The following GMPR variants were observed in gnomAD, a reference collection of about 807,000 sequenced individuals.
GMPR encodes the protein guanosine monophosphate reductase.
A neutral mutation model predicts 38.4 loss-of-function variants in GMPR; 31 were observed. The observed-to-expected ratio is 0.81, with a 90% CI of 0.61 to 1.09. The LOEUF is 1.09. Among genes scored for constraint, GMPR ranks in the 50% least tolerant of loss-of-function variants. The pLI is 0.00. For synonymous variants in GMPR, 162 were observed against 173.3 expected (o/e 0.93, Z 0.51); for missense variants, 468 against 453.7 (o/e 1.03, Z -0.29).
intron 4 of GMPR, among the ~76,000 whole-genome samples, chr6:16,267,065 T>A (rs952092630): frequency 6.6e-6 from 1 of 150,902 alleles, no homozygotes; most frequent in African/African-American, 2.4e-5. Context: ...ACGTGCCACC[T>A]TTAAGAGCTG....
intron 4 of GMPR, among the ~76,000 whole-genome samples, chr6:16,267,593 A>ATT (rs1416222247): frequency 2.6e-5 from 4 of 152,044 alleles, no homozygotes; most frequent in Non-Finnish European, 4.4e-5. Context: ...CTGACGGAAC[A>ATT]AACTCCGGAC....
Position 16,290,598 on chromosome 6 carries a change from C to T in GMPR, c.834C>T (p.His278=), listed in dbSNP as rs759597692. ...GCTCTGACACCGCCATGAACAAGCACGCAGGAGGAGTTGCTGAGTACAGGT... is the reference window on the plus strand; with the variant it reads ...GCTCTGACACCGCCATGAACAAGCATGCAGGAGGAGTTGCTGAGTACAGGT... The part of the protein sequence containing the change: ...GMSSDTAMNK[H]AGGVAEYRAS... The change falls in exon 8 of 9, where the codon CAC becomes CAT. Residue 278 remains histidine, a synonymous_variant. Transcript: ENST00000259727. 8.7e-6 allele frequency: 14 copies of T among 1,613,994 alleles called. No homozygotes were observed. Among genetic ancestry groups the T allele is most frequent in the Middle Eastern group, 1.6e-4 (1 of 6,080 alleles).
At chr6:16,265,161 C>T (rs140692301) in intron 4 of GMPR, among the ~76,000 whole-genome samples, 3 of 152,274 alleles carry the variant, frequency 2.0e-5, no homozygotes, top group African/African-American at 7.2e-5. Flanking sequence ...CAGTGTTGAC[C>T]AGGGTGATCT....
chr6:16,252,359 A>G (rs956801427), intron 3 of GMPR, among the ~76,000 whole-genome samples: 1 of 152,084 alleles, frequency 6.6e-6, no homozygotes, highest in Non-Finnish European at 1.5e-5. Flanking sequence ...TCCCGGGTTC[A>G]ATTGATTTTC....
At chr6:16,239,909 G>A (rs924979802) in intron 1 of GMPR, among the ~76,000 whole-genome samples, 1 of 152,190 alleles carries the variant, frequency 6.6e-6, no homozygotes, top group Admixed American at 6.5e-5. Flanking sequence ...GGGGAGGAAT[G>A]ATTAAAACTT....
intron 4 of GMPR, among the ~76,000 whole-genome samples, chr6:16,269,951 C>T (rs1300992934): frequency 2.0e-5 from 3 of 152,182 alleles, no homozygotes; most frequent in African/African-American, 7.2e-5. Context: ...TCATGTGGAT[C>T]TCTCTCAGTC....
intron 4 of GMPR, among the ~76,000 whole-genome samples, chr6:16,267,033 T>C (rs1010461864): frequency 4.6e-5 from 7 of 150,810 alleles, no homozygotes; most frequent in Admixed American, 4.6e-4. Flanking sequence ...TAACACTCCC[T>C]GCGAAAAAGG....
chr6:16,260,432 T>C (rs1297915642), intron 4 of GMPR, among the ~76,000 whole-genome samples: 1 of 151,998 alleles, frequency 6.6e-6, no homozygotes, highest in Non-Finnish European at 1.5e-5. Flanking sequence ...CCTGTACTTA[T>C]CCAGTGAAAG....
At chr6:16,258,512 G>A (rs942106697) in intron 4 of GMPR, among the ~76,000 whole-genome samples, 3 of 152,220 alleles carry the variant, frequency 2.0e-5, no homozygotes, top group South Asian at 2.1e-4. Flanking sequence ...GGAGGAGATC[G>A]GTTCAGAGTT....
chr6:16,290,563 T>C lies in GMPR; in HGVS notation c.799T>C (p.Tyr267His), dbSNP rs1334880003. The change falls in exon 8 of 9, where the codon TAC (tyrosine) becomes CAC (histidine). Residue 267 changes from tyrosine (Y) to histidine (H), a missense_variant. Coordinates refer to ENST00000259727, the MANE Select transcript of GMPR (RefSeq NM_006877.4). The stretch of plus-strand genomic sequence containing the variant: ...GAACGGACGGAAGCTCAAGCTCTTC[T>C]ACGGGATGAGCTCTGACACCGCCAT... ...ERNGRKLKLFYGMSSDTAMNK... is the reference protein window; with the variant it reads ...ERNGRKLKLFHGMSSDTAMNK... 6.2e-7 allele frequency: 1 copy of C among 1,614,030 alleles called. No individual in the cohort carries two copies. The highest frequency in any genetic ancestry group is 1.3e-5 in the African/African-American group (1 of 75,048).
chr6:16,289,567 C>T (rs565186971), intron 7 of GMPR: 6 of 152,282 alleles, frequency 3.9e-5, no homozygotes, highest in Admixed American at 2.0e-4. Flanking sequence ...TGCTGTCATT[C>T]GGTGATTAGT....
At chr6:16,251,710 G>A (rs1758879159) in intron 3 of GMPR, among the ~76,000 whole-genome samples, 1 of 152,146 alleles carries the variant, frequency 6.6e-6, no homozygotes. Flanking sequence ...TGTGGTTAAG[G>A]GGTATGAGAC....
At chr6:16,249,826 G>A (rs1239929373) in intron 2 of GMPR, among the ~76,000 whole-genome samples, 3 of 152,258 alleles carry the variant, frequency 2.0e-5, no homozygotes, top group Non-Finnish European at 4.4e-5. Flanking sequence ...CCGGTTGTGA[G>A]CACAAGAGAA....
At chr6:16,265,842 C>A (rs976064623) in intron 4 of GMPR, among the ~76,000 whole-genome samples, 5 of 151,934 alleles carry the variant, frequency 3.3e-5, no homozygotes, top group Admixed American at 1.3e-4. Context: ...TTTCTTCGTT[C>A]GCTTGCTGCT....
chr6:16,265,129 A>G (rs1170955758), intron 4 of GMPR, among the ~76,000 whole-genome samples: 17 of 152,206 alleles, frequency 1.1e-4, no homozygotes, highest in Admixed American at 7.9e-4. Context: ...GTTAAAAAAA[A>G]GTTTGTAGAA....
At chr6:16,253,173 G>A (rs1352718379) in intron 3 of GMPR, among the ~76,000 whole-genome samples, 1 of 152,228 alleles carries the variant, frequency 6.6e-6, no homozygotes, top group African/African-American at 2.4e-5. Context: ...ATTTAAACAT[G>A]TACAAGTGTA....
In GMPR at chr6:16,238,651, C is replaced by T; in HGVS notation, c.-43C>T. ...CCCGCGCCGCCCCGCGCAGGCGCCC[C>T]CGCCCCGCCGTCGCCGCCGCCGCAG... is the stretch of plus-strand genomic sequence containing the variant. On this transcript the variant is annotated 5_prime_UTR_variant, in exon 1 of 9. Transcript: ENST00000259727. The T allele has an allele frequency of 3.0e-6, 3 of 1,014,230 alleles. No homozygotes were observed. The highest frequency in any genetic ancestry group is 1.1e-4 in the East Asian group (2 of 18,752). 62.8% of individuals were successfully genotyped at this position (1,014,230 alleles called of 1,614,324 possible). A position where few individuals can be genotyped will look rare whatever the true frequency, so the allele number is the denominator to read the frequency against.
intron 1 of GMPR, among the ~76,000 whole-genome samples, chr6:16,243,014 TAACTA>T (rs1758679540): frequency 6.6e-6 from 1 of 152,110 alleles, no homozygotes; most frequent in Non-Finnish European, 1.5e-5. Flanking sequence ...ATGACTCTGT[TAACTA>T]AGTAAGGTCA....
chr6:16,260,339 G>A (rs1181899457), intron 4 of GMPR, among the ~76,000 whole-genome samples: 1 of 152,012 alleles, frequency 6.6e-6, no homozygotes, highest in African/African-American at 2.4e-5. Flanking sequence ...ACTGTATAGA[G>A]GTGGGAAGGC....
Sources: allele counts gnomAD v4.1 joint callset (sites outside exome capture counted in the v4.1 genomes callset), GRCh38; gene constraint gnomAD v4.1.1; transcripts MANE v1.5; gene names NCBI Gene and HGNC (gene_info 2026-07-23, HGNC 2026-07-21).